OPCML: variants seen among roughly 807,000 people sequenced by gnomAD.
The protein encoded by OPCML is opioid-binding protein/cell adhesion molecule.
In OPCML, 13 loss-of-function variants were observed where a neutral mutation model predicts 37.8. The observed-to-expected ratio is 0.34, with a 90% confidence interval of 0.22 to 0.55. OPCML has a LOEUF of 0.55. OPCML is among the 20% of genes least tolerant of loss of function. The pLI, the probability that OPCML is intolerant of heterozygous loss-of-function variation, is 0.91. For missense variants in OPCML, 341 were observed against 435.6 expected, an observed-to-expected ratio of 0.78 and a Z score of 1.93; for synonymous variants, 176 against 168.8, an observed-to-expected ratio of 1.04 and a Z score of -0.33.
chr11:132,523,685 G>A (rs2096300333), intron 4 of OPCML, among the ~76,000 whole-genome samples: 1 of 152,110 alleles, frequency 6.6e-6, no homozygotes, highest in Non-Finnish European at 1.5e-5. Context: ...AGTTATCCCA[G>A]TCCCCAAATG....
Position 132,681,305 on chromosome 11 carries a change from G to T in OPCML, c.147-23986C>A, listed in dbSNP as rs112692984. ...CCTTTTCCAAAACCATCCCTGGCCT[G>T]CCCTGCCCCCTGTCCTGTACCCATA... On this transcript the variant is annotated intron_variant, in intron 2 of 7. Transcript: ENST00000524381. Among the ~76,000 whole-genome samples, 1,172 of 152,260 alleles carry T rather than the reference G, an allele frequency of 7.7e-3. 21 individuals are homozygous for T. The highest frequency in any genetic ancestry group is 0.027 in the African/African-American group (1,120 of 41,540).
intron 1 of OPCML, among the ~76,000 whole-genome samples, chr11:133,040,494 C>A (rs978284275): frequency 6.6e-6 from 1 of 152,238 alleles, no homozygotes; most frequent in Non-Finnish European, 1.5e-5. Flanking sequence ...ATGTCCATGA[C>A]TTCCCTATAG....
chr11:132,537,582 A>G (rs1044882538), intron 3 of OPCML, among the ~76,000 whole-genome samples: 4 of 152,226 alleles, frequency 2.6e-5, no homozygotes, highest in African/African-American at 9.6e-5. Context: ...GATAAACCGG[A>G]CTTCATTCAA....
At chr11:133,382,858 TTTTAA>T (rs1391360745) in intron 1 of OPCML, among the ~76,000 whole-genome samples, 1 of 152,008 alleles carries the variant, frequency 6.6e-6, no homozygotes, top group Non-Finnish European at 1.5e-5. Flanking sequence ...TGAAAGGAGT[TTTTAA>T]AACTGCCACA....
At chr11:132,549,783 G>A (rs1349429121) in intron 3 of OPCML, among the ~76,000 whole-genome samples, 1 of 152,170 alleles carries the variant, frequency 6.6e-6, no homozygotes, top group African/African-American at 2.4e-5. Flanking sequence ...GGAGTGACCA[G>A]CCTTCCCCAT....
chr11:133,294,203 G>A (rs1293581603), intron 1 of OPCML, among the ~76,000 whole-genome samples: 2 of 151,972 alleles, frequency 1.3e-5, no homozygotes, highest in Non-Finnish European at 2.9e-5. Flanking sequence ...AGCATGAAGC[G>A]GTGTTCTGCA....
intron 4 of OPCML, among the ~76,000 whole-genome samples, chr11:132,467,182 G>A (rs964746791): frequency 1.3e-5 from 2 of 152,146 alleles, no homozygotes; most frequent in African/African-American, 4.8e-5. Context: ...CTGGCCTGAA[G>A]GCTCATTGTT....
chr11:132,602,818 G>A (rs1173302980), intron 3 of OPCML, among the ~76,000 whole-genome samples: 1 of 152,200 alleles, frequency 6.6e-6, no homozygotes, highest in Non-Finnish European at 1.5e-5. Flanking sequence ...AAAAGGAATC[G>A]TGGGAACCAC....
intron 1 of OPCML, among the ~76,000 whole-genome samples, chr11:133,304,613 T>G (rs2212516): frequency 0.63 from 96,035 of 152,018 alleles, 31,534 homozygotes; most frequent in East Asian, 0.85. Context: ...CCTGCTCCCA[T>G]ACCCAATGCC....
chr11:132,912,446 C>T (rs77679920), intron 2 of OPCML, among the ~76,000 whole-genome samples: 2,475 of 152,214 alleles, frequency 0.016, 72 homozygotes, highest in African/African-American at 0.056. Flanking sequence ...TAATAATTAA[C>T]TTCATCATCA....
intron 2 of OPCML, among the ~76,000 whole-genome samples, chr11:132,716,130 G>A (rs1352497276): frequency 1.3e-5 from 2 of 152,226 alleles, no homozygotes; most frequent in Non-Finnish European, 2.9e-5. Flanking sequence ...AGCTGCTGCT[G>A]AAGCTGCCTG....
intron 1 of OPCML, among the ~76,000 whole-genome samples, chr11:132,985,608 G>A (rs1946670294): frequency 6.6e-6 from 1 of 152,138 alleles, no homozygotes; most frequent in Non-Finnish European, 1.5e-5. Context: ...AAATAAACTG[G>A]TGAAGGACCT....
intron 2 of OPCML, among the ~76,000 whole-genome samples, chr11:132,734,307 T>C (rs887639296): frequency 5.9e-5 from 9 of 152,110 alleles, no homozygotes; most frequent in Non-Finnish European, 1.2e-4. Context: ...TCCAGTAACA[T>C]GTGTCAGATG....
intron 1 of OPCML, among the ~76,000 whole-genome samples, chr11:133,122,274 G>T (rs1172400798): frequency 2.0e-5 from 3 of 152,140 alleles, no homozygotes; most frequent in Non-Finnish European, 4.4e-5. Flanking sequence ...GCTGCTGGTT[G>T]CCCAACCTTG....
At chr11:132,523,507 C>T (rs74813534) in intron 4 of OPCML, among the ~76,000 whole-genome samples, 1 of 145,616 alleles carries the variant, frequency 6.9e-6, no homozygotes, top group African/African-American at 2.5e-5. Flanking sequence ...TTGCTCAAGA[C>T]AAATTAGAAG....
At chr11:132,642,730 T>C (rs1051311551) in intron 3 of OPCML, among the ~76,000 whole-genome samples, 1 of 152,196 alleles carries the variant, frequency 6.6e-6, no homozygotes, top group Non-Finnish European at 1.5e-5. Context: ...TGGGGCATGC[T>C]TTCTTTCCCA....
At chr11:133,007,423 GTTACCAGTTTTTTATCTCC>G in intron 1 of OPCML, 1 of 985,290 alleles carries the variant, frequency 1.0e-6, no homozygotes, top group Non-Finnish European at 1.2e-6. Flanking sequence ...AAAGAATGCT[GTTACCAGTTTTTTATCTCC>G]AAAATGCACA....
chr11:132,857,967 C>CT (rs368613679), intron 2 of OPCML, among the ~76,000 whole-genome samples: 3 of 151,968 alleles, frequency 2.0e-5, no homozygotes, highest in Middle Eastern at 3.2e-3. Context: ...CACTGAACCC[C>CT]GAGGCAATGA....
intron 2 of OPCML, among the ~76,000 whole-genome samples, chr11:132,934,659 CCTT>C (rs1441781554): frequency 2.0e-5 from 3 of 152,148 alleles, no homozygotes; most frequent in Non-Finnish European, 4.4e-5. Context: ...CACACTGTCC[CCTT>C]CTTTAGCTCC....
Sources: gnomAD v4.1 joint callset for allele counts (sites outside exome capture counted in the v4.1 genomes callset) on GRCh38, gnomAD v4.1.1 for gene constraint, MANE v1.5 for transcripts, NCBI Gene and HGNC (gene_info 2026-07-23, HGNC 2026-07-21) for gene names.